ERBB4: variants seen among roughly 807,000 people sequenced by gnomAD.
ERBB4 encodes the protein erb-b2 receptor tyrosine kinase 4, also known as receptor tyrosine-protein kinase erbB-4.
ERBB4 carries 42 observed loss-of-function variants against 158.0 expected under a neutral mutation model. That is an observed-to-expected ratio of 0.27 (90% CI 0.21 to 0.34). The LOEUF is 0.34. Ranked by LOEUF, ERBB4 falls within the 10% of genes least tolerant of loss-of-function variation. The pLI is 1.00. For synonymous variants in ERBB4, 583 were observed against 558.7 expected (o/e 1.04, Z -0.61); for missense variants, 1,333 against 1,624.1 (o/e 0.82, Z 3.08).
At chr2:211,709,643 A>G (rs898447205) in intron 9 of ERBB4, among the ~76,000 whole-genome samples, 1 of 152,066 alleles carries the variant, frequency 6.6e-6, no homozygotes, top group African/African-American at 2.4e-5. Context: ...AAGGTTGTTA[A>G]CTGTCTCTTA....
intron 20 of ERBB4, among the ~76,000 whole-genome samples, chr2:211,432,214 T>TACA (rs1403796826): frequency 6.6e-6 from 1 of 152,324 alleles, no homozygotes; most frequent in African/African-American, 2.4e-5. Flanking sequence ...CAGTTAACAT[T>TACA]ACAACTGCAG....
chr2:211,394,205 T>G (rs948871768), intron 25 of ERBB4, among the ~76,000 whole-genome samples: 3 of 152,156 alleles, frequency 2.0e-5, no homozygotes, highest in Non-Finnish European at 4.4e-5. Flanking sequence ...AGAATGTTAT[T>G]AGCACAGTCA....
intron 1 of ERBB4, among the ~76,000 whole-genome samples, chr2:212,236,003 G>T (rs562000503): frequency 6.6e-6 from 1 of 152,280 alleles, no homozygotes. Context: ...CCAGTACTAT[G>T]TTGAATAGGA....
At chr2:212,157,095 CT>C (rs1343328387) in intron 1 of ERBB4, among the ~76,000 whole-genome samples, 1 of 152,092 alleles carries the variant, frequency 6.6e-6, no homozygotes, top group Non-Finnish European at 1.5e-5. Flanking sequence ...ACATACCATA[CT>C]TCTTAAAATG....
intron 4 of ERBB4, among the ~76,000 whole-genome samples, chr2:211,751,140 C>T (rs1333197581): frequency 6.6e-6 from 1 of 151,930 alleles, no homozygotes; most frequent in Non-Finnish European, 1.5e-5. Context: ...TCTATGAGAA[C>T]AAGAATATAT....
chr2:211,766,179 C>T (rs2075546218), intron 4 of ERBB4, among the ~76,000 whole-genome samples: 1 of 152,156 alleles, frequency 6.6e-6, no homozygotes, highest in African/African-American at 2.4e-5. Context: ...AAAAGAATCA[C>T]CTCTAAATTG....
At chr2:212,305,209 A>C (rs1164814249) in intron 1 of ERBB4, among the ~76,000 whole-genome samples, 1 of 151,316 alleles carries the variant, frequency 6.6e-6, no homozygotes, top group East Asian at 1.9e-4. Context: ...TCTATTCCCT[A>C]AGTCATTACT....
chr2:211,755,480 C>T (rs188045383), intron 4 of ERBB4, among the ~76,000 whole-genome samples: 32 of 152,012 alleles, frequency 2.1e-4, no homozygotes, highest in African/African-American at 5.8e-4. Context: ...CCAGCCTGGG[C>T]GACGGATCAG....
chr2:211,882,317 G>A (rs2078685954), intron 3 of ERBB4, among the ~76,000 whole-genome samples: 1 of 152,174 alleles, frequency 6.6e-6, no homozygotes, highest in Non-Finnish European at 1.5e-5. Flanking sequence ...TAAATGGCTG[G>A]TATCATTGTT....
At chr2:212,124,653 G>T in intron 2 of ERBB4, 99 bp downstream of exon 2, 1 of 1,366,660 alleles carries the variant, frequency 7.3e-7, no homozygotes, top group South Asian at 1.2e-5. Context: ...CTGCCAGGCA[G>T]AAGAGCACCC....
rs79037584 is a variant in ERBB4, at chr2:211,730,019, A to G, written c.623-4825T>C. ...GAATTCATTCAAAATATCCATGAGAATTAGACGGGTAACATTTAAGGAATC... is the reference window on the plus strand; with the variant it reads ...GAATTCATTCAAAATATCCATGAGAGTTAGACGGGTAACATTTAAGGAATC... On this transcript the variant is annotated intron_variant, in intron 5 of 27. Coordinates refer to ENST00000342788, the MANE Select transcript of ERBB4 (RefSeq NM_005235.3). Among the ~76,000 whole-genome samples the G allele has an allele frequency of 7.6e-3, 1,149 of 152,118 alleles. 14 individuals carry two copies. The highest frequency in any genetic ancestry group is 0.027 in the African/African-American group (1,102 of 41,556).
intron 20 of ERBB4, among the ~76,000 whole-genome samples, chr2:211,551,351 T>C (rs899472089): frequency 3.9e-5 from 6 of 152,188 alleles, no homozygotes; most frequent in African/African-American, 1.2e-4. Context: ...TCTTCCAAAA[T>C]GTGGTTATAT....
chr2:211,638,520 G>T (rs911250014), intron 16 of ERBB4, among the ~76,000 whole-genome samples: 4 of 152,084 alleles, frequency 2.6e-5, no homozygotes, highest in Admixed American at 1.3e-4. Flanking sequence ...TATTACAATA[G>T]GTCTCTGTCC....
chr2:211,622,991 ATATATATATAT>A (rs1197561624), intron 18 of ERBB4, among the ~76,000 whole-genome samples: 3 of 6,426 alleles, frequency 4.7e-4, no homozygotes, highest in African/African-American at 9.5e-4. Flanking sequence ...AAAAAAAAAA[ATATATATATAT>A]ATATATATAT....
chr2:212,427,031 G>A (rs1298349060), intron 1 of ERBB4, among the ~76,000 whole-genome samples: 22 of 152,028 alleles, frequency 1.4e-4, no homozygotes, highest in Non-Finnish European at 2.5e-4. Flanking sequence ...TCTTGTCATA[G>A]ACAACTGTTT....
intron 15 of ERBB4, among the ~76,000 whole-genome samples, chr2:211,661,350 C>G (rs1182767330): frequency 6.6e-6 from 1 of 151,446 alleles, no homozygotes; most frequent in Non-Finnish European, 1.5e-5. Flanking sequence ...TTTTGAAGAG[C>G]CAAAATCACA....
intron 3 of ERBB4, among the ~76,000 whole-genome samples, chr2:211,919,869 A>G (rs1374037797): frequency 6.6e-6 from 1 of 151,986 alleles, no homozygotes; most frequent in African/African-American, 2.4e-5. Context: ...TTCCAAATCC[A>G]TTGATCGCAA....
At chr2:211,751,732 C>T (rs1285318887) in intron 4 of ERBB4, among the ~76,000 whole-genome samples, 4 of 152,108 alleles carry the variant, frequency 2.6e-5, no homozygotes, top group African/African-American at 4.8e-5. Flanking sequence ...ATTCCTCAAC[C>T]AGAAAGTTCT....
chr2:212,059,116 C>T, intron 2 of ERBB4, among the ~76,000 whole-genome samples: 1 of 152,096 alleles, frequency 6.6e-6, no homozygotes, highest in East Asian at 1.9e-4. Context: ...AATCAATGGG[C>T]AAAAATCACA....
Sources: gnomAD v4.1 joint callset for allele counts (sites outside exome capture counted in the v4.1 genomes callset) on GRCh38, gnomAD v4.1.1 for gene constraint, MANE v1.5 for transcripts, NCBI Gene and HGNC (gene_info 2026-07-23, HGNC 2026-07-21) for gene names.